The following JARID2 variants were observed in gnomAD, a reference collection of about 807,000 sequenced individuals.
JARID2 encodes protein Jumonji.
Under a neutral mutation model 125.6 loss-of-function variants are expected in JARID2, and 21 were observed. The ratio of observed to expected loss-of-function variants is 0.17; its 90% CI spans 0.12 to 0.24. The LOEUF is 0.24. Ranked by LOEUF, JARID2 falls within the 10% of genes least tolerant of loss-of-function variation. The pLI, the probability that JARID2 is intolerant of heterozygous loss-of-function variation, is 1.00. For missense variants in JARID2, 1,303 were observed against 1,639.6 expected, an observed-to-expected ratio of 0.79 and a Z score of 3.55; for synonymous variants, 736 against 661.6, an observed-to-expected ratio of 1.11 and a Z score of -1.73.
chr6:15,255,996 A>G (rs1422961012), intron 1 of JARID2, among the ~76,000 whole-genome samples: 1 of 152,182 alleles, frequency 6.6e-6, no homozygotes, highest in Non-Finnish European at 1.5e-5. Flanking sequence ...CAGGCAGGCT[A>G]TACAACCTCG....
chr6:15,329,179 G>GT (rs11343556), intron 1 of JARID2, among the ~76,000 whole-genome samples: 19 of 57,356 alleles, frequency 3.3e-4, no homozygotes, highest in South Asian at 1.1e-3. Context: ...CTTTAATATG[G>GT]TTTTTTTTTT....
At position 15,451,983 on chromosome 6, in the gene JARID2, T is replaced by G. The variant is rs775745450; in HGVS notation, c.324-23T>G. The G allele has an allele frequency of 1.1e-4, 174 of 1,610,524 alleles. No individual in the cohort carries two copies. The South Asian group carries it at 1.7e-3, about 16-fold the overall frequency. On this transcript the variant is annotated intron_variant, in intron 3 of 17. Coordinates refer to ENST00000341776, the MANE Select transcript of JARID2 (RefSeq NM_004973.4). Reference sequence around the variant, plus strand: ...CCTCCAGTCTCTGCTTAATTTATTTTTAATTTTCTTTTGCTTTTGCAGGCC... The same window carrying G: ...CCTCCAGTCTCTGCTTAATTTATTTGTAATTTTCTTTTGCTTTTGCAGGCC...
At chr6:15,424,286 T>A (rs1766629025) in intron 3 of JARID2, among the ~76,000 whole-genome samples, 1 of 150,858 alleles carries the variant, frequency 6.6e-6, no homozygotes, top group South Asian at 2.1e-4. Context: ...TCTCTTGATC[T>A]TCAAGCCCTT....
At chr6:15,468,425 G>A in intron 4 of JARID2, 117 bp from the exon 5 acceptor site, 1 of 824,980 alleles carries the variant, frequency 1.2e-6, no homozygotes, top group Non-Finnish European at 1.8e-6. Context: ...ATTTAAAATG[G>A]CAGTAGAGAT....
intron 1 of JARID2, among the ~76,000 whole-genome samples, chr6:15,300,785 C>T (rs1026097933): frequency 6.6e-6 from 1 of 150,548 alleles, no homozygotes; most frequent in Non-Finnish European, 1.5e-5. Context: ...AGCAAGCAGT[C>T]CCCCCTTTAT....
chr6:15,392,608 C>T (rs911340320), intron 2 of JARID2, among the ~76,000 whole-genome samples: 1 of 150,804 alleles, frequency 6.6e-6, no homozygotes, highest in East Asian at 1.9e-4. Context: ...TGTGTCTGTG[C>T]TGTCCTATAT....
At position 15,395,458 on chromosome 6, in the gene JARID2, G is replaced by A. The variant is rs537891557; in HGVS notation, c.182-14766G>A. 3.3e-5 allele frequency among the ~76,000 whole-genome samples: 5 copies of A among 152,236 alleles called. No homozygotes were observed. The South Asian group carries it at 6.2e-4, about 19-fold the overall frequency. On this transcript the variant is annotated intron_variant, in intron 2 of 17. Coordinates refer to ENST00000341776, the MANE Select transcript of JARID2 (RefSeq NM_004973.4). ...GTTTTTGTATTTTTAGCAGAGATGG[G>A]ATTTCATCGTGTTAGCCAGGATGGT...
intron 1 of JARID2, among the ~76,000 whole-genome samples, chr6:15,296,296 T>C (rs1761412532): frequency 6.6e-6 from 1 of 152,164 alleles, no homozygotes; most frequent in Non-Finnish European, 1.5e-5. Flanking sequence ...TTGGGAGTAT[T>C]TGAACGTTGT....
At chr6:15,427,128 T>TG in intron 3 of JARID2, among the ~76,000 whole-genome samples, 1 of 152,298 alleles carries the variant, frequency 6.6e-6, no homozygotes, top group Admixed American at 6.5e-5. Context: ...CTGCTAGACT[T>TG]GGGTCTGTCT....
chr6:15,432,479 CAAG>C (rs977988515), intron 3 of JARID2, among the ~76,000 whole-genome samples: 5 of 139,610 alleles, frequency 3.6e-5, no homozygotes, highest in Admixed American at 2.9e-4. Flanking sequence ...ACAACAACAA[CAAG>C]AAAAGTACGC....
intron 1 of JARID2, among the ~76,000 whole-genome samples, chr6:15,313,897 C>A (rs73726545): frequency 2.1e-4 from 32 of 152,240 alleles, no homozygotes; most frequent in African/African-American, 7.2e-4. Flanking sequence ...TGGTAATTAC[C>A]TTTGGCCTGT....
intron 1 of JARID2, among the ~76,000 whole-genome samples, chr6:15,252,296 G>A (rs887929529): frequency 2.0e-5 from 3 of 152,196 alleles, no homozygotes; most frequent in Admixed American, 6.5e-5. Flanking sequence ...AATACAAAAT[G>A]TTAGGGAATA....
chr6:15,430,780 G>A (rs183234374), intron 3 of JARID2, among the ~76,000 whole-genome samples: 77 of 152,214 alleles, frequency 5.1e-4, no homozygotes, highest in African/African-American at 1.7e-3. Flanking sequence ...GGGAATGAAT[G>A]GTCTGTAGGG....
At chr6:15,425,306 C>T (rs1299499566) in intron 3 of JARID2, among the ~76,000 whole-genome samples, 5 of 152,134 alleles carry the variant, frequency 3.3e-5, no homozygotes, top group African/African-American at 7.2e-5. Context: ...TAAATGAAAA[C>T]GCATGCTAAT....
intron 3 of JARID2, among the ~76,000 whole-genome samples, chr6:15,450,600 G>A (rs1175861936): frequency 6.6e-6 from 1 of 152,048 alleles, no homozygotes; most frequent in Non-Finnish European, 1.5e-5. Flanking sequence ...TTTTGTTGTT[G>A]TTTTCCTGCC....
At chr6:15,520,009 A>C in intron 17 of JARID2, 60 bp from the exon 18 acceptor site, 1 of 1,458,136 alleles carries the variant, frequency 6.9e-7, no homozygotes, top group Non-Finnish European at 9.3e-7. Flanking sequence ...CATGGCTCTC[A>C]GGGACAGAGC....
intron 17 of JARID2, among the ~76,000 whole-genome samples, chr6:15,519,676 C>G (rs1416783339): frequency 6.6e-6 from 1 of 152,218 alleles, no homozygotes; most frequent in Non-Finnish European, 1.5e-5. Flanking sequence ...TGGCCAGGTT[C>G]AGTGGCCGGT....
Position 15,246,408 on chromosome 6 carries a change from G to A in JARID2, c.-132G>A, listed in dbSNP as rs983624014. ...GAATCTGGCTTTGGGGGAAGAGGAA[G>A]AAAAGTCGGATTACAAGATCAACCA... On this transcript the variant is annotated 5_prime_UTR_variant, in exon 1 of 18. Coordinates refer to ENST00000341776, the MANE Select transcript of JARID2 (RefSeq NM_004973.4). 1 of 670,550 alleles carries A rather than the reference G, an allele frequency of 1.5e-6. No individual in the cohort carries two copies. The highest frequency in any genetic ancestry group is 2.6e-6 in the Non-Finnish European group (1 of 391,012). 41.5% of individuals were successfully genotyped at this position (670,550 alleles called of 1,614,324 possible). A position where few individuals can be genotyped will look rare whatever the true frequency, so the allele number is the denominator to read the frequency against.
intron 3 of JARID2, among the ~76,000 whole-genome samples, chr6:15,415,671 G>A (rs1399003962): frequency 3.4e-5 from 5 of 145,842 alleles, no homozygotes; most frequent in South Asian, 2.1e-4. Flanking sequence ...CCTCCCGGAC[G>A]GGGTGGCTGG....
Sources: allele counts gnomAD v4.1 joint callset (sites outside exome capture counted in the v4.1 genomes callset), GRCh38; gene constraint gnomAD v4.1.1; transcripts MANE v1.5; gene names NCBI Gene and HGNC (gene_info 2026-07-23, HGNC 2026-07-21).